F9: variants seen among roughly 807,000 people sequenced by gnomAD.
The protein encoded by F9 is Christmas factor.
A neutral mutation model predicts 34.1 loss-of-function variants in F9; 2 were observed. The ratio of observed to expected loss-of-function variants is 0.06; its 90% CI spans 0.02 to 0.18. F9 has a LOEUF of 0.18. Ranked by LOEUF, F9 falls within the 10% of genes least tolerant of loss-of-function variation. F9 has a pLI of 1.00. For missense variants in F9, 216 were observed against 345.1 expected, an observed-to-expected ratio of 0.63 and a Z score of 2.96; for synonymous variants, 137 against 118.8, an observed-to-expected ratio of 1.15 and a Z score of -1.00.
chrX:139,555,366 T>G (rs1927943059), intron 6 of F9, among the ~76,000 whole-genome samples: 1 of 112,565 alleles, frequency 8.9e-6, no homozygotes, highest in Non-Finnish European at 1.9e-5. Context: ...GCTCATTTCT[T>G]ACCTTATTCC....
chrX:139,530,749 T>C lies in F9; in HGVS notation c.-16T>C. 8.3e-7 allele frequency: 1 copy of C among 1,201,080 alleles called. No individual in the cohort carries two copies. On this transcript the variant is annotated 5_prime_UTR_variant, in exon 1 of 8. Coordinates refer to ENST00000218099, the MANE Select transcript of F9 (RefSeq NM_000133.4). ...CTAATCGACCTTACCACTTTCACAA[T>C]CTGCTAGCAAAGGTTATGCAGCGCG...
chrX:139,551,453 C>T (rs1456064367), intron 6 of F9, among the ~76,000 whole-genome samples, 189 bp downstream of exon 6: 1 of 110,951 alleles, frequency 9.0e-6, no homozygotes, highest in Admixed American at 9.7e-5. Context: ...TCAAAACCAG[C>T]TACCATACAG....
Position 139,548,347 on chromosome X carries a change from A to C in F9, c.392-16A>C, listed in dbSNP as rs752747648. The C allele has an allele frequency of 8.3e-7, 1 of 1,208,085 alleles. No homozygotes were observed. Among genetic ancestry groups the C allele is most frequent in the Non-Finnish European group, 1.1e-6 (1 of 892,901 alleles). ...ATGTTAAATGATGCTGTTACTGTCT[A>C]TTTTGCTTCTTTTAGATGTAACATG... On this transcript the variant is annotated splice_polypyrimidine_tract_variant and intron_variant, in intron 4 of 7. Transcript: ENST00000218099.
intron 6 of F9, among the ~76,000 whole-genome samples, chrX:139,554,478 G>A (rs1355341305): frequency 2.7e-5 from 3 of 112,359 alleles, no homozygotes; most frequent in East Asian, 2.8e-4. Flanking sequence ...CTTATGAATG[G>A]TTACTGGTTT....
At chrX:139,561,436 A>G (rs1334387539) in intron 7 of F9, 88 bp from the exon 8 acceptor site, 4 of 815,789 alleles carry the variant, frequency 4.9e-6, no homozygotes, top group Non-Finnish European at 7.2e-6. Context: ...AACATTGCCA[A>G]TTAGGTCAGT....
chrX:139,536,239 G>GTATATATATGTACACACATATATGTA (rs1245196543), intron 1 of F9, among the ~76,000 whole-genome samples: 321 of 90,424 alleles, frequency 3.5e-3, no homozygotes, highest in Non-Finnish European at 4.7e-3. Flanking sequence ...ACACATATAT[G>GTATATATATGTACACACATATATGTA]TATATATATG....
At chrX:139,557,588 A>T (rs1256364585) in intron 6 of F9, among the ~76,000 whole-genome samples, 1 of 112,064 alleles carries the variant, frequency 8.9e-6, no homozygotes, top group Non-Finnish European at 1.9e-5. Flanking sequence ...GAGCTGAGAG[A>T]TGTCCAATTT....
At chrX:139,530,897 G>C in intron 1 of F9, 45 bp downstream of exon 1, 1 of 1,015,315 alleles carries the variant, frequency 9.8e-7, no homozygotes, top group Non-Finnish European at 1.4e-6. Context: ...TTGCCTTTTA[G>C]ATATAGAAAT....
intron 1 of F9, among the ~76,000 whole-genome samples, chrX:139,535,510 GT>G (rs1293425787): frequency 9.0e-6 from 1 of 111,705 alleles, no homozygotes; most frequent in Non-Finnish European, 1.9e-5. Flanking sequence ...AGGGAAGAAA[GT>G]TTAGTTCATC....
intron 4 of F9, among the ~76,000 whole-genome samples, chrX:139,546,949 G>A (rs1048523751): frequency 8.9e-6 from 1 of 111,834 alleles, no homozygotes; most frequent in Non-Finnish European, 1.9e-5. Flanking sequence ...GGTCGGGCAG[G>A]ATTCATAAGC....
At chrX:139,531,131 A>C (rs960921172) in intron 1 of F9, among the ~76,000 whole-genome samples, 7 of 112,034 alleles carry the variant, frequency 6.2e-5, no homozygotes, top group Non-Finnish European at 1.3e-4. Flanking sequence ...GTTAGAAAAC[A>C]TTCATCTCCT....
intron 6 of F9, among the ~76,000 whole-genome samples, chrX:139,554,942 C>A (rs1391806196): frequency 9.0e-6 from 1 of 111,698 alleles, no homozygotes; most frequent in Non-Finnish European, 1.9e-5. Flanking sequence ...ACAGATTGAA[C>A]AAACTAGAAA....
In F9 at chrX:139,561,566, G is replaced by A. The variant is rs137852249; in HGVS notation, c.881G>A (p.Arg294Gln). Residue 294 changes from arginine to glutamine, a missense_variant, in exon 8 of 8, where the codon CGA (arginine) becomes CAA (glutamine). Transcript: ENST00000218099. ...GAGACAGAACATACAGAGCAAAAGC[G>A]AAATGTGATTCGAATTATTCCTCAC... ...IEETEHTEQK[R>Q]NVIRIIPHHN... The A allele has an allele frequency of 1.7e-6, 2 of 1,207,641 alleles. No individual in the cohort carries two copies. The highest frequency in any genetic ancestry group is 2.2e-6 in the Non-Finnish European group (2 of 892,887).
At chrX:139,553,481 T>A (rs1927890411) in intron 6 of F9, among the ~76,000 whole-genome samples, 1 of 111,680 alleles carries the variant, frequency 9.0e-6, no homozygotes, top group African/African-American at 3.3e-5. Context: ...GATCCTACTT[T>A]ATGACAATTA....
intron 7 of F9, 63 bp from the exon 8 acceptor site, chrX:139,561,461 A>G: frequency 9.9e-7 from 1 of 1,010,295 alleles, no homozygotes; most frequent in Admixed American, 2.4e-5. Context: ...CCAAGTAGTC[A>G]CTTAGAAAAT....
intron 6 of F9, among the ~76,000 whole-genome samples, chrX:139,560,384 T>C (rs1326586385): frequency 8.9e-6 from 1 of 112,004 alleles, no homozygotes; most frequent in Non-Finnish European, 1.9e-5. Context: ...AGCCAGTGTG[T>C]TTCCTAATGT....
chrX:139,550,683 T>A (rs2060221654), intron 5 of F9, among the ~76,000 whole-genome samples: 1 of 111,575 alleles, frequency 9.0e-6, no homozygotes, highest in African/African-American at 3.3e-5. Flanking sequence ...AAGTTAAAGT[T>A]ACAAAGCATC....
intron 6 of F9, among the ~76,000 whole-genome samples, chrX:139,559,238 A>G (rs1374838565): frequency 8.9e-6 from 1 of 112,482 alleles, no homozygotes; most frequent in Non-Finnish European, 1.9e-5. Flanking sequence ...ACAACATTTC[A>G]GAATTAAAAG....
At chrX:139,547,668 T>C (rs1218318571) in intron 4 of F9, 2 of 111,465 alleles carry the variant, frequency 1.8e-5, no homozygotes, top group Non-Finnish European at 3.8e-5. Context: ...AGCCAAAAAC[T>C]GGAAACAAAC....
Sources: allele counts gnomAD v4.1 joint callset (sites outside exome capture counted in the v4.1 genomes callset), GRCh38; gene constraint gnomAD v4.1.1; transcripts MANE v1.5; gene names NCBI Gene and HGNC (gene_info 2026-07-23, HGNC 2026-07-21).